The following ARHGEF18 variants were observed in gnomAD, a reference collection of about 807,000 sequenced individuals.
ARHGEF18 encodes the protein rho guanine nucleotide exchange factor 18.
ARHGEF18 carries 93 observed loss-of-function variants against 155.7 expected under a neutral mutation model. The ratio of observed to expected loss-of-function variants is 0.60; its 90% CI spans 0.50 to 0.71. The LOEUF (loss-of-function observed/expected upper bound fraction) is 0.71, where lower values mean the gene tolerates loss of function less well. ARHGEF18 is among the 30% of genes least tolerant of loss of function. The pLI, the probability that ARHGEF18 is intolerant of heterozygous loss-of-function variation, is 0.00. For missense variants in ARHGEF18, 1,593 were observed against 1,816.1 expected (o/e 0.88, Z 2.23); for synonymous variants, 742 against 753.1 (o/e 0.99, Z 0.24).
Position 7,451,256 on chromosome 19 carries a change from G to C in ARHGEF18, c.1845G>C (p.Gln615His). 6.2e-7 allele frequency: 1 copy of C among 1,613,272 alleles called. No individual in the cohort carries two copies. The highest frequency in any genetic ancestry group is 8.5e-7 in the Non-Finnish European group (1 of 1,179,836). ...KYPVLVERII[Q>H]NTEAGTEDYE... is the part of the protein sequence containing the mutation. ...CAGTGCTGGTGGAGCGCATCATCCA[G>C]AACACGGAAGGTAGGCCTTCTCCCC... Residue 615 changes from glutamine to histidine, a missense_variant, in exon 16 of 29, where the codon CAG becomes CAC. Physicochemically the swap from Gln to His is conservative, Grantham distance 24. Transcript: ENST00000668164.
chr19:7,383,176 CT>C lies in ARHGEF18; in HGVS notation c.941del (p.Leu314ArgfsTer7). 8.1e-7 allele frequency: 1 copy of C among 1,232,266 alleles called. No homozygotes were observed. Among genetic ancestry groups the C allele is most frequent in the East Asian group, 3.2e-5 (1 of 31,704 alleles). 76.3% of individuals were successfully genotyped at this position (1,232,266 alleles called of 1,614,324 possible). A position where few individuals can be genotyped will look rare whatever the true frequency, so the allele number is the denominator to read the frequency against. ...GTFSGPSSCP[L>X]CGKPFLSSAS... The stretch of plus-strand genomic sequence containing the variant: ...CTTCTCCGGCCCCTCCAGCTGCCCC[CT>C]GTGTGGCAAACCTTTCTTGAGCTCA... On this transcript the variant is annotated frameshift_variant, in exon 10 of 29. Coordinates refer to ENST00000668164, the MANE Select transcript of ARHGEF18 (RefSeq NM_001367823.1). LOFTEE classifies it high-confidence loss of function.
intron 17 of ARHGEF18, 74 bp from the exon 18 acceptor site, chr19:7,456,253 A>G (rs1975818292): frequency 7.4e-7 from 1 of 1,350,530 alleles, no homozygotes; most frequent in East Asian, 2.3e-5. Flanking sequence ...GGGAAGTGGC[A>G]TCCGCGGGGG....
intron 16 of ARHGEF18, 87 bp from the exon 17 acceptor site, chr19:7,453,380 G>A: frequency 7.5e-7 from 1 of 1,338,802 alleles, no homozygotes; most frequent in Non-Finnish European, 9.7e-7. Context: ...ACACCTCATA[G>A]ATCCACATGT....
chr19:7,464,234 C>T (rs1976476741), intron 22 of ARHGEF18, among the ~76,000 whole-genome samples: 1 of 152,130 alleles, frequency 6.6e-6, no homozygotes, highest in East Asian at 1.9e-4. Flanking sequence ...AATGGGGTTT[C>T]ACCATGTTGG....
chr19:7,477,137 G>A, downstream of ARHGEF18: 4 of 1,356,350 alleles, frequency 2.9e-6, no homozygotes, highest in Non-Finnish European at 3.9e-6. Context: ...TGCCCTGGCG[G>A]CTTCTGCTTT....
chr19:7,385,143 G>A (rs1970932844), intron 10 of ARHGEF18, among the ~76,000 whole-genome samples: 2 of 152,196 alleles, frequency 1.3e-5, no homozygotes, highest in Admixed American at 6.6e-5. Flanking sequence ...GATGCAAGGG[G>A]CAGATAGAAG....
intron 10 of ARHGEF18, chr19:7,439,965 C>G (rs1260394156): frequency 2.6e-6 from 4 of 1,534,812 alleles, no homozygotes; most frequent in Non-Finnish European, 3.5e-6. Flanking sequence ...GACCAATATC[C>G]TGCCCTCCAG....
chr19:7,395,153 C>G lies in ARHGEF18; in HGVS notation c.967+11950C>G. 1.0e-6 allele frequency: 1 copy of G among 985,784 alleles called. No homozygotes were observed. The highest frequency in any genetic ancestry group is 1.2e-6 in the Non-Finnish European group (1 of 830,198). The allele number at this position is 985,784 out of a possible 1,614,324, so 61.1% of individuals were successfully genotyped here. On this transcript the variant is annotated intron_variant, in intron 10 of 28. Transcript: ENST00000668164. The surrounding 1 kb of genome is among the most constrained non-coding windows in gnomAD (Gnocchi z 5.0). ...GCTTCCGGCTCCCAGCTGCTAGCTACTGTGGATCTGGGGGGGCCGGACGGA... is the reference window on the plus strand; with the variant it reads ...GCTTCCGGCTCCCAGCTGCTAGCTAGTGTGGATCTGGGGGGGCCGGACGGA...
intron 1 of ARHGEF18, among the ~76,000 whole-genome samples, chr19:7,352,997 T>C (rs1191224580): frequency 4.6e-5 from 7 of 151,372 alleles, no homozygotes; most frequent in African/African-American, 1.7e-4. Context: ...CCACCATGCC[T>C]GGCTAATTTT....
In ARHGEF18 at chr19:7,470,842, C is replaced by G. The variant is rs1976982750; in HGVS notation, c.*544C>G. Reference sequence around the variant, plus strand: ...CAGAATCCACTTCCCAAACAGAGCCCCACGCAGGTTCACCATGAACCTCAG... The same window carrying G: ...CAGAATCCACTTCCCAAACAGAGCCGCACGCAGGTTCACCATGAACCTCAG... On this transcript the variant is annotated 3_prime_UTR_variant, in exon 29 of 29. Coordinates refer to ENST00000668164, the MANE Select transcript of ARHGEF18 (RefSeq NM_001367823.1). This position sits in a 1 kb window ranked among gnomAD's most constrained non-coding sequence, Gnocchi z 5.9. 5.0e-6 allele frequency: 2 copies of G among 401,210 alleles called. No individual in the cohort carries two copies. Among genetic ancestry groups the G allele is most frequent in the Non-Finnish European group, 8.8e-6 (2 of 226,256 alleles). 24.9% of individuals were successfully genotyped at this position (401,210 alleles called of 1,614,324 possible).
chr19:7,416,889 C>T (rs1418110506), intron 10 of ARHGEF18, among the ~76,000 whole-genome samples: 1 of 151,902 alleles, frequency 6.6e-6, no homozygotes, highest in African/African-American at 2.4e-5. Context: ...AGGCGTGAGC[C>T]ACCATGCCCG....
chr19:7,371,909 T>A (rs983531689), intron 2 of ARHGEF18, among the ~76,000 whole-genome samples: 1 of 152,006 alleles, frequency 6.6e-6, no homozygotes, highest in Non-Finnish European at 1.5e-5. Context: ...TATAAAGACA[T>A]CAACATGGGT....
downstream of ARHGEF18, chr19:7,473,153 A>G (rs11880122): frequency 0.77 from 350,135 of 456,090 alleles, 135,505 homozygotes; most frequent in African/African-American, 0.88. Context: ...GGCCATGAGT[A>G]TGAAATCATC....
intron 1 of ARHGEF18, among the ~76,000 whole-genome samples, chr19:7,355,177 C>G (rs1340790669): frequency 6.6e-6 from 1 of 151,764 alleles, no homozygotes; most frequent in Non-Finnish European, 1.5e-5. Context: ...CATTGACAAG[C>G]TGATATTCAG....
intron 10 of ARHGEF18, among the ~76,000 whole-genome samples, chr19:7,389,756 A>G (rs927337039): frequency 3.3e-5 from 5 of 151,984 alleles, no homozygotes; most frequent in African/African-American, 1.2e-4. Flanking sequence ...GCTGGTCTCG[A>G]ACTCCTGGCC....
In ARHGEF18 at chr19:7,444,923, C is replaced by T. The variant is rs914063047; in HGVS notation, c.1611+469C>T. Among the ~76,000 whole-genome samples the T allele has an allele frequency of 1.4e-5, 2 of 146,302 alleles. No individual in the cohort carries two copies. The highest frequency in any genetic ancestry group is 5.0e-5 in the African/African-American group (2 of 40,392). On this transcript the variant is annotated intron_variant, in intron 14 of 28. Coordinates refer to ENST00000668164, the MANE Select transcript of ARHGEF18 (RefSeq NM_001367823.1). The surrounding 1 kb of genome is among the most constrained non-coding windows in gnomAD (Gnocchi z 4.7). ...AAAGTGCAGGGATCACAGGCATGAG[C>T]CATTGTGCCAGCCTTTTCCTTTCAG...
Position 7,450,442 on chromosome 19 carries a change from C to T in ARHGEF18, c.1738-707C>T. Among the ~76,000 whole-genome samples, 3 of 68,264 alleles carry T rather than the reference C, an allele frequency of 4.4e-5. No homozygotes were observed. The Admixed American group carries it at 4.6e-4, about 10-fold the overall frequency. 44.8% of individuals were successfully genotyped at this position (68,264 alleles called of 152,430 possible). ...AATGCGGGATCTTGCTTTCCGTTTC[C>T]GTTTCCGAGATGTTAATACAGGATC... On this transcript the variant is annotated intron_variant, in intron 15 of 28. Transcript: ENST00000668164.
Position 7,463,901 on chromosome 19 carries a change from C to G in ARHGEF18, c.2719C>G (p.Pro907Ala). The G allele has an allele frequency of 6.3e-7, 1 of 1,599,592 alleles. No individual in the cohort carries two copies. The highest frequency in any genetic ancestry group is 8.5e-7 in the Non-Finnish European group (1 of 1,173,768). Residue 907 changes from proline (P) to alanine (A), a missense_variant, in exon 22 of 29, where the codon CCC (proline) becomes GCC (alanine). By Grantham distance (27) the Pro-to-Ala change is conservative. Coordinates refer to ENST00000668164, the MANE Select transcript of ARHGEF18 (RefSeq NM_001367823.1). The surrounding 1 kb of genome is among the most constrained non-coding windows in gnomAD (Gnocchi z 5.2). ...AGACGGAGGCAGCTCCACAGGCCCG[C>G]CCAGGAGGGCTGAGACCTTCGCGGG... The part of the protein sequence containing the change: ...AEDGGSSTGP[P>A]RRAETFAGYD...
chr19:7,422,427 G>A (rs4804602), intron 10 of ARHGEF18, among the ~76,000 whole-genome samples: 79,050 of 147,662 alleles, frequency 0.54, 21,261 homozygotes, highest in Middle Eastern at 0.74. Context: ...CCCTGTTAAT[G>A]GCTCTGCCCT....
Sources: gnomAD v4.1 joint callset for allele counts (sites outside exome capture counted in the v4.1 genomes callset) on GRCh38, gnomAD v4.1.1 for gene constraint, Gnocchi (gnomAD v3.1) non-coding constraint, MANE v1.5 for transcripts, NCBI Gene and HGNC (gene_info 2026-07-23, HGNC 2026-07-21) for gene names.